The following NUP98 variants were observed in gnomAD, a reference collection of about 807,000 sequenced individuals.
The protein encoded by NUP98 is nuclear pore complex protein Nup98-Nup96.
In NUP98, 26 loss-of-function variants were observed where a neutral mutation model predicts 191.9. That is an observed-to-expected ratio of 0.14 (90% CI 0.10 to 0.19). The LOEUF (loss-of-function observed/expected upper bound fraction) is 0.19. NUP98 is among the 10% of genes least tolerant of loss of function. NUP98 has a pLI of 1.00. For synonymous variants in NUP98, 808 were observed against 778.4 expected, an observed-to-expected ratio of 1.04 and a Z score of -0.63; for missense variants, 1,941 against 2,178.8, an observed-to-expected ratio of 0.89 and a Z score of 2.17.
At chr11:3,731,341 GTTTAT>G in intron 14 of NUP98, 45 bp downstream of exon 14, 1 of 1,172,696 alleles carries the variant, frequency 8.5e-7, no homozygotes, top group Non-Finnish European at 1.2e-6. Context: ...TTCATATTTA[GTTTAT>G]ATCAGTATTT....
At chr11:3,753,886 C>T (rs2080861041) in intron 10 of NUP98, among the ~76,000 whole-genome samples, 1 of 149,024 alleles carries the variant, frequency 6.7e-6, no homozygotes, top group Non-Finnish European at 1.5e-5. Context: ...TTGCAGTGAG[C>T]CTAGATTGCG....
At position 3,787,116 on chromosome 11, in the gene NUP98, TAAGAA is replaced by T. The variant is rs532072453; in HGVS notation, c.-28-4976_-28-4972del. ...ACTGAATGAAAATTTTTGCCCTAGA[TAAGAA>T]AAGAGGGCTGGGAAACGAGGCTGGG... On this transcript the variant is annotated intron_variant, in intron 1 of 32. Transcript: ENST00000324932. 3.3e-3 allele frequency among the ~76,000 whole-genome samples: 495 copies of T among 152,252 alleles called. 1 individual carries two copies. Among genetic ancestry groups the T allele is most frequent in the Admixed American group, 6.4e-3 (98 of 15,268 alleles).
At chr11:3,700,943 T>C (rs950944111) in intron 23 of NUP98, 104 bp from the exon 24 acceptor site, 51 of 768,708 alleles carry the variant, frequency 6.6e-5, no homozygotes, top group Non-Finnish European at 1.0e-4. Context: ...ACAAACGGAA[T>C]GCAAACATTT....
At chr11:3,773,775 A>G in intron 5 of NUP98, 36 bp from the exon 6 acceptor site, 1 of 1,226,330 alleles carries the variant, frequency 8.2e-7, no homozygotes, top group Non-Finnish European at 1.2e-6. Flanking sequence ...TGTAGGTCCA[A>G]GTTTTACATT....
At chr11:3,743,025 CT>C (rs545235961) in intron 12 of NUP98, among the ~76,000 whole-genome samples, 4 of 151,516 alleles carry the variant, frequency 2.6e-5, no homozygotes, top group Admixed American at 6.6e-5. Flanking sequence ...TTACTTTTTT[CT>C]TTTTTTTGTT....
chr11:3,727,029 C>T (rs1344365780), intron 14 of NUP98, among the ~76,000 whole-genome samples: 1 of 152,122 alleles, frequency 6.6e-6, no homozygotes, highest in African/African-American at 2.4e-5. Context: ...TCTCAAAGTG[C>T]TGAGATTACA....
chr11:3,773,388 CAAA>C (rs112070730), intron 6 of NUP98, among the ~76,000 whole-genome samples: 2 of 130,908 alleles, frequency 1.5e-5, no homozygotes, highest in African/African-American at 5.6e-5. Context: ...AAGCCCATCT[CAAA>C]AAAAAAAAAA....
intron 12 of NUP98, among the ~76,000 whole-genome samples, chr11:3,740,525 A>G (rs1302919880): frequency 6.6e-6 from 1 of 151,958 alleles, no homozygotes; most frequent in East Asian, 1.9e-4. Context: ...TCAAAAAAAA[A>G]AAAAGAAATG....
chr11:3,757,944 C>T (rs113587656), intron 10 of NUP98, among the ~76,000 whole-genome samples: 1,925 of 152,058 alleles, frequency 0.013, 20 homozygotes, highest in Non-Finnish European at 0.02. Context: ...TAGTTTGTGG[C>T]CCTCCAGAGA....
At chr11:3,753,453 C>T (rs1009747057) in intron 10 of NUP98, 45 bp from the exon 11 acceptor site, 3 of 1,445,504 alleles carry the variant, frequency 2.1e-6, no homozygotes, top group South Asian at 2.3e-5. Flanking sequence ...TAATATAACT[C>T]TCAATTTCCT....
At chr11:3,677,416 T>G (rs1564796000) in intron 31 of NUP98, among the ~76,000 whole-genome samples, 1 of 150,614 alleles carries the variant, frequency 6.6e-6, no homozygotes, top group Non-Finnish European at 1.5e-5. Flanking sequence ...ATAGGTTTTT[T>G]TTTTTTTTTT....
chr11:3,769,769 C>A (rs2081462458), intron 7 of NUP98, among the ~76,000 whole-genome samples: 1 of 151,724 alleles, frequency 6.6e-6, no homozygotes. Context: ...GGACGGCCAG[C>A]CATGGTGGCT....
chr11:3,711,493 G>C (rs994345289), intron 20 of NUP98: 1 of 152,704 alleles, frequency 6.5e-6, no homozygotes, highest in Admixed American at 6.6e-5. Flanking sequence ...CAACTGGAAA[G>C]AGGTTATCTT....
At chr11:3,690,408 C>T (rs565476322) in intron 28 of NUP98, among the ~76,000 whole-genome samples, 5 of 152,192 alleles carry the variant, frequency 3.3e-5, no homozygotes, top group African/African-American at 7.2e-5. Flanking sequence ...TACGGGCGCC[C>T]GCCACCACGT....
chr11:3,676,414 G>T (rs779892180), intron 32 of NUP98, 38 bp from the exon 33 acceptor site: 2 of 1,609,584 alleles, frequency 1.2e-6, no homozygotes, highest in African/African-American at 2.7e-5. Context: ...TGAGCATGGG[G>T]TCTGGAGAAG....
intron 11 of NUP98, among the ~76,000 whole-genome samples, chr11:3,747,482 A>G (rs2080550565): frequency 6.6e-6 from 1 of 152,180 alleles, no homozygotes; most frequent in African/African-American, 2.4e-5. Context: ...AATGATGTTA[A>G]TATCACTATA....
intron 1 of NUP98, among the ~76,000 whole-genome samples, chr11:3,783,519 T>C (rs912644704): frequency 1.1e-4 from 17 of 152,162 alleles, no homozygotes; most frequent in African/African-American, 3.4e-4. Context: ...GTCAACATGG[T>C]GAAACCCTGT....
intron 10 of NUP98, among the ~76,000 whole-genome samples, chr11:3,756,007 CTT>C (rs1478554365): frequency 6.6e-6 from 1 of 152,110 alleles, no homozygotes; most frequent in Non-Finnish European, 1.5e-5. Flanking sequence ...AGTAACCTGA[CTT>C]AATCGCAATA....
Position 3,686,150 on chromosome 11 carries a change from G to C in NUP98, c.4499C>G (p.Ala1500Gly). The C allele has an allele frequency of 1.9e-6, 3 of 1,614,254 alleles. No individual in the cohort carries two copies. Among genetic ancestry groups the C allele is most frequent in the Non-Finnish European group, 2.5e-6 (3 of 1,180,046 alleles). Residue 1500 changes from alanine (A) to glycine (G), a missense_variant, in exon 29 of 33, where the codon GCA becomes GGA. By Grantham distance (60) the Ala-to-Gly change is moderately conservative. Coordinates refer to ENST00000324932, the MANE Select transcript of NUP98 (RefSeq NM_016320.5). The part of the protein sequence containing the change: ...NQLLEPRSIT[A>G]DPLDYRLSWH... ...GCTTAGGCGGTAGTCCAAAGGATCT[G>C]CTGTTATGCTTCGAGGCTCCAGCAG...
Sources: allele counts gnomAD v4.1 joint callset (sites outside exome capture counted in the v4.1 genomes callset), GRCh38; gene constraint gnomAD v4.1.1; transcripts MANE v1.5; gene names NCBI Gene and HGNC (gene_info 2026-07-23, HGNC 2026-07-21).